OSBPL8: variants seen among roughly 807,000 people sequenced by gnomAD.
OSBPL8 encodes oxysterol-binding protein-related protein 8.
OSBPL8 carries 59 observed loss-of-function variants against 125.5 expected under a neutral mutation model. The ratio of observed to expected loss-of-function variants is 0.47; its 90% confidence interval spans 0.38 to 0.58. The LOEUF is 0.58. OSBPL8 is among the 20% of genes least tolerant of loss of function. The probability of loss-of-function intolerance (pLI) is 0.00; values close to 1 mark genes in which losing one functional copy is unlikely to be tolerated. For synonymous variants in OSBPL8, 330 were observed against 338.9 expected (o/e 0.97, Z 0.29); for missense variants, 758 against 1,047.8 (o/e 0.72, Z 3.82).
intron 4 of OSBPL8, among the ~76,000 whole-genome samples, chr12:76,432,892 A>T (rs2136589855): frequency 6.6e-6 from 1 of 152,312 alleles, no homozygotes; most frequent in Non-Finnish European, 1.5e-5. Context: ...TCAACAGCAC[A>T]CTGAAAGAAT....
chr12:76,542,266 C>G (rs1416510097), intron 1 of OSBPL8, among the ~76,000 whole-genome samples: 1 of 152,242 alleles, frequency 6.6e-6, no homozygotes, highest in African/African-American at 2.4e-5. Flanking sequence ...GTTCTTCTGT[C>G]TCTTTAACCA....
At chr12:76,523,951 T>C (rs1950092209) in intron 1 of OSBPL8, among the ~76,000 whole-genome samples, 1 of 152,110 alleles carries the variant, frequency 6.6e-6, no homozygotes, top group Non-Finnish European at 1.5e-5. Context: ...AAGCATAACT[T>C]CCCTTTAAAA....
chr12:76,409,183 A>G (rs780812576), intron 5 of OSBPL8, among the ~76,000 whole-genome samples: 1 of 152,166 alleles, frequency 6.6e-6, no homozygotes, highest in African/African-American at 2.4e-5. Flanking sequence ...CTTGAAAAGC[A>G]GAAAGGTCAC....
At chr12:76,559,153 C>G (rs1192596082) in intron 1 of OSBPL8, among the ~76,000 whole-genome samples, 1 of 152,196 alleles carries the variant, frequency 6.6e-6, no homozygotes, top group Non-Finnish European at 1.5e-5. Context: ...CCTCCCACCC[C>G]CGTTCCCCTG....
intron 1 of OSBPL8, among the ~76,000 whole-genome samples, chr12:76,509,312 T>C (rs553172714): frequency 1.8e-4 from 28 of 152,270 alleles, no homozygotes; most frequent in South Asian, 1.0e-3. Context: ...CATGACAAAA[T>C]TGCCTAACGA....
At chr12:76,462,842 G>A (rs939416427) in intron 2 of OSBPL8, among the ~76,000 whole-genome samples, 3 of 152,156 alleles carry the variant, frequency 2.0e-5, no homozygotes, top group Non-Finnish European at 2.9e-5. Context: ...CAAGTGTACA[G>A]GATTATGATG....
chr12:76,466,285 A>G (rs751171086), intron 2 of OSBPL8, among the ~76,000 whole-genome samples: 23 of 151,220 alleles, frequency 1.5e-4, no homozygotes, highest in Non-Finnish European at 3.1e-4. Flanking sequence ...AAAAAAATAT[A>G]AAGTTTTTAA....
At chr12:76,505,983 A>G (rs1170350219) in intron 1 of OSBPL8, among the ~76,000 whole-genome samples, 6 of 152,240 alleles carry the variant, frequency 3.9e-5, no homozygotes, top group Admixed American at 1.3e-4. Flanking sequence ...ACAAAGTAGA[A>G]TGCTATCACT....
At chr12:76,430,949 A>G (rs180850348) in intron 4 of OSBPL8, among the ~76,000 whole-genome samples, 5 of 152,232 alleles carry the variant, frequency 3.3e-5, no homozygotes, top group African/African-American at 4.8e-5. Flanking sequence ...AATGCTAAAG[A>G]TAAACATAAA....
At chr12:76,533,583 C>T (rs1950410612) in intron 1 of OSBPL8, among the ~76,000 whole-genome samples, 1 of 152,086 alleles carries the variant, frequency 6.6e-6, no homozygotes. Flanking sequence ...GATGACCAGC[C>T]CTCCAAAAGC....
At chr12:76,454,860 A>G (rs775307332) in intron 3 of OSBPL8, among the ~76,000 whole-genome samples, 1 of 152,116 alleles carries the variant, frequency 6.6e-6, no homozygotes, top group Admixed American at 6.5e-5. Flanking sequence ...CAATAAAAAA[A>G]AGACTTTTTA....
chr12:76,399,800 G>A, intron 7 of OSBPL8, 73 bp downstream of exon 7: 1 of 1,188,016 alleles, frequency 8.4e-7, no homozygotes, highest in South Asian at 1.6e-5. Flanking sequence ...TAGGCGTTAG[G>A]TATACTCCAG....
chr12:76,431,930 T>A (rs1478113021), intron 4 of OSBPL8, among the ~76,000 whole-genome samples: 1 of 152,162 alleles, frequency 6.6e-6, no homozygotes, highest in Non-Finnish European at 1.5e-5. Context: ...AGAATACATG[T>A]TCTTCTCAAG....
chr12:76,470,623 G>A (rs1179527826), intron 2 of OSBPL8, among the ~76,000 whole-genome samples: 3 of 151,966 alleles, frequency 2.0e-5, no homozygotes, highest in African/African-American at 7.3e-5. Context: ...AGACATAAGA[G>A]CTGCAAAAAA....
At chr12:76,408,435 C>T (rs1954368340) in intron 5 of OSBPL8, among the ~76,000 whole-genome samples, 1 of 130,398 alleles carries the variant, frequency 7.7e-6, no homozygotes, top group South Asian at 2.5e-4. Flanking sequence ...GTACTCCAGT[C>T]TGGGTGACAG....
At chr12:76,390,250 TGTTTA>T (rs1292816650) in intron 11 of OSBPL8, 165 bp downstream of exon 11, 17 of 559,238 alleles carry the variant, frequency 3.0e-5, no homozygotes, top group South Asian at 8.2e-5. Context: ...TGAGTATATG[TGTTTA>T]GTTGTTTGTA....
chr12:76,443,392 T>G (rs1261227914), intron 4 of OSBPL8, among the ~76,000 whole-genome samples: 1 of 152,196 alleles, frequency 6.6e-6, no homozygotes, highest in Non-Finnish European at 1.5e-5. Context: ...GTGTCATGTT[T>G]GCCTATTTGC....
At chr12:76,441,861 C>T (rs554947590) in intron 4 of OSBPL8, among the ~76,000 whole-genome samples, 1 of 151,840 alleles carries the variant, frequency 6.6e-6, no homozygotes, top group Admixed American at 6.6e-5. Flanking sequence ...ATGAATACAG[C>T]CTAGTATTTG....
At chr12:76,536,209 T>G (rs11114366) in intron 1 of OSBPL8, among the ~76,000 whole-genome samples, 3,379 of 152,130 alleles carry the variant, frequency 0.022, 56 homozygotes, top group Non-Finnish European at 0.031. Context: ...CAACTAGGCC[T>G]GGTGTGGTGG....
Sources: gnomAD v4.1 joint callset for allele counts (sites outside exome capture counted in the v4.1 genomes callset) on GRCh38, gnomAD v4.1.1 for gene constraint, MANE v1.5 for transcripts, NCBI Gene and HGNC (gene_info 2026-07-23, HGNC 2026-07-21) for gene names.